The following PIK3R3 variants were observed in gnomAD, a reference collection of about 807,000 sequenced individuals.
The protein encoded by PIK3R3 is phosphoinositide-3-kinase regulatory subunit 3.
Under a neutral mutation model 62.9 loss-of-function variants are expected in PIK3R3, and 64 were observed. That is an observed-to-expected ratio of 1.02 (90% CI 0.83 to 1.25). The LOEUF is 1.25. Among genes scored for constraint, PIK3R3 ranks in the 50% most tolerant of loss-of-function variants. PIK3R3 has a pLI of 0.00. For synonymous variants in PIK3R3, 165 were observed against 189.0 expected (o/e 0.87, Z 1.04); for missense variants, 614 against 561.6 (o/e 1.09, Z -0.94).
Position 46,066,057 on chromosome 1 carries a change from G to A in PIK3R3, c.618C>T (p.Ser206=). 6.2e-7 allele frequency: 1 copy of A among 1,607,096 alleles called. No homozygotes were observed. Among genetic ancestry groups the A allele is most frequent in the Non-Finnish European group, 8.5e-7 (1 of 1,174,414 alleles). ...DRLYEEYTRT[S]QEIQMKRTAI... ...AAAAACAACATAATATACCAACCTG[G>A]GATGTTCTAGTATATTCTTCATACA... Residue 206 remains serine, a synonymous_variant, in exon 5 of 10, where the codon TCC becomes TCT. Transcript: ENST00000262741.
chr1:46,166,855 G>A, the PIK3R3 span, among the ~76,000 whole-genome samples: 1 of 152,204 alleles, frequency 6.6e-6, no homozygotes, highest in Admixed American at 6.5e-5. Context: ...CCTTAAACAT[G>A]CTTGCCAGCC....
intron 1 of PIK3R3, among the ~76,000 whole-genome samples, chr1:46,100,002 G>C (rs558493883): frequency 2.6e-5 from 4 of 152,172 alleles, no homozygotes; most frequent in South Asian, 2.1e-4. Context: ...CCAATCTACT[G>C]TCTTATTATT....
chr1:46,123,862 C>T (rs1654872637), intron 1 of PIK3R3, among the ~76,000 whole-genome samples: 1 of 152,150 alleles, frequency 6.6e-6, no homozygotes, highest in African/African-American at 2.4e-5. Flanking sequence ...GCAACTATTA[C>T]CTTCATTACA....
chr1:46,068,257 A>G (rs1318590515), intron 3 of PIK3R3, among the ~76,000 whole-genome samples: 2 of 152,230 alleles, frequency 1.3e-5, no homozygotes, highest in African/African-American at 2.4e-5. Context: ...AATAATTGCA[A>G]GCTGGCCTCT....
intron 7 of PIK3R3, among the ~76,000 whole-genome samples, chr1:46,051,981 T>TA (rs1269548737): frequency 6.6e-6 from 1 of 151,486 alleles, no homozygotes; most frequent in African/African-American, 2.4e-5. Context: ...ACTAAAAAAA[T>TA]AAAAAAATTA....
rs750573301 is a variant in PIK3R3, at chr1:46,043,791, C to T, written c.1268G>A (p.Ser423Asn). ...YGFAEPYNLYSSLKELVLHYQ... is the reference protein window; with the variant it reads ...YGFAEPYNLYNSLKELVLHYQ... Reference sequence around the variant, plus strand: ...ATGGAGCACTAGCTCCTTCAGAGAGCTGTACAGGTTGTAGGGCTCTGCAAA... The same window carrying T: ...ATGGAGCACTAGCTCCTTCAGAGAGTTGTACAGGTTGTAGGGCTCTGCAAA... The change falls in exon 10 of 10, where the codon AGC (serine) becomes AAC (asparagine). Residue 423 changes from serine to asparagine, a missense_variant. By Grantham distance (46) the Ser-to-Asn change is conservative (BLOSUM62 1). Coordinates refer to ENST00000262741, the MANE Select transcript of PIK3R3 (RefSeq NM_003629.4). The T allele has an allele frequency of 2.5e-6, 4 of 1,614,042 alleles. No individual in the cohort carries two copies. In the Admixed American group the frequency reaches 6.7e-5, roughly 27 times the overall value.
intron 3 of PIK3R3, among the ~76,000 whole-genome samples, chr1:46,071,708 A>AT (rs1182385003): frequency 3.8e-5 from 2 of 52,632 alleles, no homozygotes; most frequent in African/African-American, 1.9e-4. Flanking sequence ...AAAAAAAAAA[A>AT]AAAAATATAT....
intron 7 of PIK3R3, among the ~76,000 whole-genome samples, chr1:46,050,019 G>T (rs1647223509): frequency 6.6e-6 from 1 of 151,568 alleles, no homozygotes. Flanking sequence ...TACTTGGGAG[G>T]CTGATGCAGG....
chr1:46,092,395 G>A (rs567143248), intron 1 of PIK3R3, among the ~76,000 whole-genome samples: 5 of 152,160 alleles, frequency 3.3e-5, no homozygotes, highest in Middle Eastern at 3.4e-3. Context: ...ACGGAGTCTC[G>A]CTCTGTCGCC....
chr1:46,078,437 G>A (rs1243101824), intron 2 of PIK3R3, among the ~76,000 whole-genome samples: 5 of 152,162 alleles, frequency 3.3e-5, no homozygotes, highest in Non-Finnish European at 7.4e-5. Context: ...AGCTACTTGG[G>A]AGGCTGAGAC....
At chr1:46,111,477 G>GC (rs758599891) in intron 1 of PIK3R3, among the ~76,000 whole-genome samples, 2 of 152,096 alleles carry the variant, frequency 1.3e-5, no homozygotes, top group Non-Finnish European at 2.9e-5. Flanking sequence ...TGTAACCCCA[G>GC]CACCTTGGGA....
At chr1:46,077,175 A>T (rs1475647242) in intron 3 of PIK3R3, among the ~76,000 whole-genome samples, 2 of 152,232 alleles carry the variant, frequency 1.3e-5, no homozygotes, top group East Asian at 3.8e-4. Context: ...TAAGGAAGAT[A>T]ATAGGGTTAT....
the PIK3R3 span, among the ~76,000 whole-genome samples, chr1:46,140,270 G>A: frequency 1.3e-5 from 2 of 152,170 alleles, no homozygotes; most frequent in African/African-American, 2.4e-5. Flanking sequence ...TAGGATTACA[G>A]GCATGAGCCA....
At chr1:46,086,110 G>A (rs1251666707) in intron 1 of PIK3R3, among the ~76,000 whole-genome samples, 2 of 152,110 alleles carry the variant, frequency 1.3e-5, no homozygotes, top group Non-Finnish European at 2.9e-5. Context: ...TTAATATGTA[G>A]CTATATGAAG....
At chr1:46,125,047 A>G (rs536923544) in intron 1 of PIK3R3, among the ~76,000 whole-genome samples, 1 of 152,280 alleles carries the variant, frequency 6.6e-6, no homozygotes, top group East Asian at 1.9e-4. Context: ...TGCAGTGAGC[A>G]GAAATCATGC....
rs1647021689 is a variant in PIK3R3, at chr1:46,042,923, T to G, written c.*750A>C. 4.8e-6 allele frequency: 1 copy of G among 206,520 alleles called. No individual in the cohort carries two copies. The highest frequency in any genetic ancestry group is 2.3e-5 in the African/African-American group (1 of 43,946). The allele number at this position is 206,520 out of a possible 1,614,324, so 12.8% of individuals were successfully genotyped here. A position where few individuals can be genotyped will look rare whatever the true frequency, so the allele number is the denominator to read the frequency against. The stretch of plus-strand genomic sequence containing the variant: ...GTTTGCTAAAACTCACAAATTCTAG[T>G]CTTTTTATGTTCAAGTTTTGGTACA... On this transcript the variant is annotated 3_prime_UTR_variant, in exon 10 of 10. Transcript: ENST00000262741. This position sits in a 1 kb window ranked among gnomAD's most constrained non-coding sequence, Gnocchi z 4.3.
rs75775922 is a variant in PIK3R3, at chr1:46,066,226, A to G, written c.496-47T>C. 4,666 of 1,323,074 alleles carry G rather than the reference A, an allele frequency of 3.5e-3. 56 individuals carry two copies. Among genetic ancestry groups the G allele is most frequent in the East Asian group, 0.033 (1,418 of 43,264 alleles). 82.0% of individuals were successfully genotyped at this position (1,323,074 alleles called of 1,614,324 possible). On this transcript the variant is annotated intron_variant, in intron 4 of 9. Coordinates refer to ENST00000262741, the MANE Select transcript of PIK3R3 (RefSeq NM_003629.4). The stretch of plus-strand genomic sequence containing the variant: ...TAAAGAATGTTAACAATTCTGACAT[A>G]TGTGGAAATAGATTTTCCACATCTA...
rs374812262 is a variant in PIK3R3, at chr1:46,043,790, G to T, written c.1269C>A (p.Ser423Arg). 4 of 1,614,108 alleles carry T rather than the reference G, an allele frequency of 2.5e-6. No individual in the cohort carries two copies. Among genetic ancestry groups the T allele is most frequent in the Non-Finnish European group, 3.4e-6 (4 of 1,179,956 alleles). Residue 423 changes from serine (S) to arginine (R), a missense_variant, in exon 10 of 10, where the codon AGC becomes AGA. Ser to Arg is a moderately radical substitution (Grantham distance 110, BLOSUM62 -1). Transcript: ENST00000262741. ...AATGGAGCACTAGCTCCTTCAGAGA[G>T]CTGTACAGGTTGTAGGGCTCTGCAA... The part of the protein sequence containing the change: ...YGFAEPYNLY[S>R]SLKELVLHYQ...
At chr1:46,107,613 A>G (rs775857833) in intron 1 of PIK3R3, among the ~76,000 whole-genome samples, 5 of 152,166 alleles carry the variant, frequency 3.3e-5, no homozygotes, top group Non-Finnish European at 7.4e-5. Context: ...CTGTATCATC[A>G]TTTACTTAAA....
Sources: gnomAD v4.1 joint callset for allele counts (sites outside exome capture counted in the v4.1 genomes callset) on GRCh38, gnomAD v4.1.1 for gene constraint, Gnocchi (gnomAD v3.1) non-coding constraint, MANE v1.5 for transcripts, NCBI Gene and HGNC (gene_info 2026-07-23, HGNC 2026-07-21) for gene names.